The following TRPM7 variants were observed in gnomAD, a reference collection of about 807,000 sequenced individuals.
TRPM7 encodes transient receptor potential cation channel subfamily M member 7.
Under a neutral mutation model 229.7 loss-of-function variants are expected in TRPM7, and 134 were observed. The observed-to-expected ratio is 0.58, with a 90% CI of 0.51 to 0.67. The LOEUF (loss-of-function observed/expected upper bound fraction) is 0.67, where lower values mean the gene tolerates loss of function less well. Among genes scored for constraint, TRPM7 ranks in the 30% least tolerant of loss-of-function variants. The pLI, the probability that TRPM7 is intolerant of heterozygous loss-of-function variation, is 0.00. For missense variants in TRPM7, 1,901 were observed against 2,210.0 expected, an observed-to-expected ratio of 0.86 and a Z score of 2.80; for synonymous variants, 699 against 715.2, an observed-to-expected ratio of 0.98 and a Z score of 0.36.
At chr15:50,661,472 T>C (rs2140914040) in intron 2 of TRPM7, among the ~76,000 whole-genome samples, 1 of 152,328 alleles carries the variant, frequency 6.6e-6, no homozygotes, top group African/African-American at 2.4e-5. Flanking sequence ...TTCTCAAAAG[T>C]TTTTTAAATG....
intron 3 of TRPM7, among the ~76,000 whole-genome samples, chr15:50,655,724 G>C (rs28810671): frequency 1.3e-5 from 2 of 152,112 alleles, no homozygotes; most frequent in Non-Finnish European, 2.9e-5. Context: ...TGGGCTGGGC[G>C]CAACAGCTCA....
chr15:50,619,387 AT>A, intron 13 of TRPM7, among the ~76,000 whole-genome samples: 1 of 151,772 alleles, frequency 6.6e-6, no homozygotes, highest in East Asian at 1.9e-4. Flanking sequence ...TGCCCAGGTA[AT>A]TTTTTTAACT....
intron 10 of TRPM7, among the ~76,000 whole-genome samples, chr15:50,631,202 T>C (rs2060718721): frequency 6.6e-6 from 1 of 152,192 alleles, no homozygotes; most frequent in South Asian, 2.1e-4. Context: ...TTTTATTTTT[T>C]AAATTCTACA....
intron 38 of TRPM7, among the ~76,000 whole-genome samples, chr15:50,569,124 T>C (rs1408169394): frequency 1.3e-5 from 2 of 152,042 alleles, no homozygotes; most frequent in Non-Finnish European, 2.9e-5. Flanking sequence ...AGCTTTGAAC[T>C]CCTGAGCTCA....
intron 29 of TRPM7, among the ~76,000 whole-genome samples, chr15:50,581,495 T>C (rs1472287191): frequency 7.7e-6 from 1 of 129,516 alleles, no homozygotes; most frequent in African/African-American, 2.5e-5. Flanking sequence ...CGAGACTCCA[T>C]CTCGAAAAAA....
intron 1 of TRPM7, among the ~76,000 whole-genome samples, chr15:50,680,127 G>A (rs756240386): frequency 6.6e-6 from 1 of 151,956 alleles, no homozygotes; most frequent in Non-Finnish European, 1.5e-5. Context: ...CTAGCTACTC[G>A]GGAGGCTGAC....
intron 11 of TRPM7, among the ~76,000 whole-genome samples, chr15:50,624,719 T>C (rs2060507976): frequency 6.7e-6 from 1 of 150,062 alleles, no homozygotes; most frequent in East Asian, 2.1e-4. Flanking sequence ...TCATGCAATA[T>C]GCTGGAGAAT....
At chr15:50,631,248 C>T (rs2060721001) in intron 10 of TRPM7, among the ~76,000 whole-genome samples, 169 bp downstream of exon 10, 1 of 152,134 alleles carries the variant, frequency 6.6e-6, no homozygotes, top group African/African-American at 2.4e-5. Context: ...GCCAAGGAAA[C>T]CAACATTGTG....
At chr15:50,612,517 A>T (rs764725388) in intron 16 of TRPM7, 32 bp downstream of exon 16, 13 of 1,588,456 alleles carry the variant, frequency 8.2e-6, no homozygotes, top group African/African-American at 2.7e-5. Flanking sequence ...TTGAATTTTT[A>T]AAATGTTTTC....
intron 32 of TRPM7, 26 bp downstream of exon 32, chr15:50,575,843 T>A: frequency 3.1e-6 from 5 of 1,611,450 alleles, no homozygotes; most frequent in Non-Finnish European, 4.2e-6. Flanking sequence ...AAAATGCTAT[T>A]AAATTTTGTT....
At chr15:50,671,060 G>T (rs1289589106) in intron 1 of TRPM7, among the ~76,000 whole-genome samples, 1 of 152,044 alleles carries the variant, frequency 6.6e-6, no homozygotes, top group Non-Finnish European at 1.5e-5. Context: ...CTATTTTTTT[G>T]TGGTGAGACC....
At chr15:50,573,698 G>A (rs145419854) in intron 36 of TRPM7, among the ~76,000 whole-genome samples, 2 of 152,254 alleles carry the variant, frequency 1.3e-5, no homozygotes, top group East Asian at 3.9e-4. Context: ...ATACTAGACT[G>A]CATATCTTAG....
At chr15:50,630,166 T>G (rs1331395879) in intron 10 of TRPM7, among the ~76,000 whole-genome samples, 1 of 152,120 alleles carries the variant, frequency 6.6e-6, no homozygotes, top group African/African-American at 2.4e-5. Context: ...GCAGCCTTAC[T>G]TTTTATTTTT....
At chr15:50,631,349 CACAT>C in intron 10 of TRPM7, 64 bp downstream of exon 10, 3 of 861,626 alleles carry the variant, frequency 3.5e-6, no homozygotes. Flanking sequence ...CACATATACA[CACAT>C]ACACACACAT....
intron 3 of TRPM7, among the ~76,000 whole-genome samples, chr15:50,655,135 TA>T (rs34148042): frequency 1.6e-4 from 23 of 141,324 alleles, no homozygotes; most frequent in Admixed American, 5.6e-4. Context: ...AAAAGTTAAT[TA>T]AAAAAAAAAA....
chr15:50,661,966 C>T (rs1012055949), intron 2 of TRPM7, among the ~76,000 whole-genome samples: 16 of 152,036 alleles, frequency 1.1e-4, no homozygotes, highest in Non-Finnish European at 2.4e-4. Flanking sequence ...ACCTGTAATC[C>T]CAGCACTCTG....
At chr15:50,656,515 T>TG (rs1219713179) in intron 3 of TRPM7, among the ~76,000 whole-genome samples, 1 of 146,574 alleles carries the variant, frequency 6.8e-6, no homozygotes, top group Admixed American at 7.1e-5. Flanking sequence ...TTTTTTTTTT[T>TG]GGTAGACACA....
chr15:50,593,052 A>C (rs925175068), intron 25 of TRPM7, among the ~76,000 whole-genome samples: 5 of 152,142 alleles, frequency 3.3e-5, no homozygotes, highest in Non-Finnish European at 5.9e-5. Context: ...GAACTTTGGG[A>C]GGCTGAGGCG....
chr15:50,578,258 G>T (rs1016148911), intron 31 of TRPM7, among the ~76,000 whole-genome samples: 2 of 152,206 alleles, frequency 1.3e-5, no homozygotes, highest in Non-Finnish European at 2.9e-5. Context: ...GTATAGTGGA[G>T]GATGGATTTT....
Sources: gnomAD v4.1 joint callset for allele counts (sites outside exome capture counted in the v4.1 genomes callset) on GRCh38, gnomAD v4.1.1 for gene constraint, MANE v1.5 for transcripts, NCBI Gene and HGNC (gene_info 2026-07-23, HGNC 2026-07-21) for gene names.